The following TPM1 variants were observed in gnomAD, a reference collection of about 807,000 sequenced individuals.
TPM1 encodes the protein tropomyosin 1.
A neutral mutation model predicts 42.9 loss-of-function variants in TPM1; 24 were observed. The ratio of observed to expected loss-of-function variants is 0.56; its 90% CI spans 0.41 to 0.79. The LOEUF (loss-of-function observed/expected upper bound fraction) is 0.79. Among genes scored for constraint, TPM1 ranks in the 30% least tolerant of loss-of-function variants. TPM1 has a pLI of 0.00. For synonymous variants in TPM1, 136 were observed against 130.1 expected (o/e 1.05, Z -0.31); for missense variants, 158 against 351.8 (o/e 0.45, Z 4.41).
chr15:63,061,969 G>T lies in TPM1; in HGVS notation c.639+181G>T, dbSNP rs149210998. On this transcript the variant is annotated intron_variant, in intron 6 of 9. Coordinates refer to ENST00000403994, the MANE Select transcript of TPM1 (RefSeq NM_001018005.2). The stretch of plus-strand genomic sequence containing the variant: ...AACTAGAGAATTTATTTTATGTTAG[G>T]GATATGAGGCATCAATTTAATTTAA... 2.2e-4 allele frequency: 150 copies of T among 678,648 alleles called. No individual in the cohort carries two copies. In the African/African-American group the frequency reaches 2.5e-3, roughly 11 times the overall value. 42.0% of individuals were successfully genotyped at this position (678,648 alleles called of 1,614,324 possible).
downstream of TPM1, among the ~76,000 whole-genome samples, chr15:63,067,221 T>C (rs2141020216): frequency 6.6e-6 from 1 of 152,366 alleles, no homozygotes; most frequent in South Asian, 2.1e-4. Context: ...AGTGTCATTC[T>C]CACTCTACAG....
At chr15:63,043,377 G>C in intron 1 of TPM1, 1 of 584,874 alleles carries the variant, frequency 1.7e-6, no homozygotes, top group Non-Finnish European at 3.2e-6. Flanking sequence ...AGGGAGTCCT[G>C]GAGTTGTTAC....
At chr15:63,071,013 T>G, downstream of TPM1, 2 of 1,605,484 alleles carry the variant, frequency 1.2e-6, no homozygotes, top group South Asian at 2.2e-5. Flanking sequence ...GATTGATGTT[T>G]GCCTGCCTAA....
At chr15:63,063,974 G>A (rs1000090871) in intron 8 of TPM1, 90 bp from the exon 9 acceptor site, 1 of 1,551,038 alleles carries the variant, frequency 6.4e-7, no homozygotes, top group East Asian at 2.3e-5. Flanking sequence ...CTGCTGTGTT[G>A]GGATGGTGCG....
intron 2 of TPM1, chr15:63,048,855 G>A (rs2033177831): frequency 1.8e-6 from 2 of 1,101,782 alleles, no homozygotes; most frequent in Non-Finnish European, 2.6e-6. Context: ...GCCAGCTGGC[G>A]GCGGGCTCTG....
chr15:63,071,226 A>G, exon 9 of TPM1: 2 of 671,494 alleles, frequency 3.0e-6, no homozygotes, highest in Non-Finnish European at 4.6e-6. Flanking sequence ...TTGTTTTTAA[A>G]CACCTGCTTA....
exon 9 of TPM1, chr15:63,071,202 C>CATTTTTT (rs201620283): frequency 1.2e-5 from 19 of 1,596,596 alleles, no homozygotes; most frequent in Non-Finnish European, 1.6e-5. Context: ...CACATTCTTT[C>CATTTTTT]GTTTTGTTTT....
intron 1 of TPM1, 82 bp downstream of exon 1, chr15:63,043,025 G>T (rs1342282935): frequency 6.9e-6 from 9 of 1,295,426 alleles, no homozygotes; most frequent in African/African-American, 1.5e-5. Flanking sequence ...CCCACCCCGA[G>T]GACTCGGGGA....
At chr15:63,064,285 T>C (rs1044028052) in intron 9 of TPM1, 143 bp downstream of exon 9, 17 of 1,529,340 alleles carry the variant, frequency 1.1e-5, no homozygotes, top group Non-Finnish European at 1.5e-5. Context: ...ATAGTCATTG[T>C]TTTTTCACTT....
chr15:63,059,566 C>T lies in TPM1; in HGVS notation c.378C>T (p.Gly126=). The part of the protein sequence containing the change: ...AEKAADESER[G]MKVIESRAQK... ...TCTTGCTTGTCTTTCTTTTCAGAGG[C>T]ATGAAAGTCATTGAGAGTCGAGCCC... The change falls in exon 4 of 10, where the codon GGC becomes GGT. Residue 126 remains glycine, a synonymous_variant. Transcript: ENST00000403994. The T allele has an allele frequency of 6.2e-7, 1 of 1,608,036 alleles. No individual in the cohort carries two copies. Among genetic ancestry groups the T allele is most frequent in the Non-Finnish European group, 8.5e-7 (1 of 1,176,082 alleles).
At chr15:63,058,795 T>C (rs1248735346) in intron 3 of TPM1, among the ~76,000 whole-genome samples, 15 of 152,226 alleles carry the variant, frequency 9.9e-5, no homozygotes, top group Admixed American at 9.8e-4. Flanking sequence ...GACTTGTTAT[T>C]CCATATATCT....
chr15:63,071,408 T>C (rs563609288), exon 9 of TPM1: 117 of 473,448 alleles, frequency 2.5e-4, no homozygotes, highest in South Asian at 2.3e-3. Flanking sequence ...GTAGAGAGTT[T>C]AGCAACACAG....
chr15:63,063,161 G>T, intron 8 of TPM1: 1 of 983,702 alleles, frequency 1.0e-6, no homozygotes, highest in African/African-American at 1.7e-5. Flanking sequence ...CTTCCCTAAG[G>T]CACTTAGGTT....
intron 2 of TPM1, among the ~76,000 whole-genome samples, chr15:63,053,781 A>G (rs138261231): frequency 0.012 from 1,826 of 149,150 alleles, 46 homozygotes; most frequent in African/African-American, 0.041. Context: ...TCCCGGGTTC[A>G]AGCAATTCTC....
At chr15:63,044,659 G>C (rs2140638982) in intron 2 of TPM1, 1 of 221,848 alleles carries the variant, frequency 4.5e-6, no homozygotes, top group South Asian at 8.1e-5. Context: ...CTTCATGGTG[G>C]GGCACAGAGA....
chr15:63,069,933 A>G (rs1450399200), downstream of TPM1: 2 of 1,614,088 alleles, frequency 1.2e-6, no homozygotes, highest in East Asian at 2.2e-5. Flanking sequence ...CTGGCCCTGA[A>G]TGAGGATTAA....
At chr15:63,063,995 T>C (rs1369129586) in intron 8 of TPM1, 69 bp from the exon 9 acceptor site, 1 of 1,597,842 alleles carries the variant, frequency 6.3e-7, no homozygotes, top group Non-Finnish European at 8.5e-7. Context: ...CGCACCACCC[T>C]CACTCACCCT....
intron 8 of TPM1, 183 bp from the exon 9 acceptor site, chr15:63,063,881 C>T: frequency 2.4e-5 from 17 of 698,110 alleles, no homozygotes; most frequent in Admixed American, 3.2e-5. Flanking sequence ...GTTTTTGTTT[C>T]AATTTACTTA....
intron 2 of TPM1, chr15:63,045,857 C>T (rs1184672485): frequency 6.6e-6 from 1 of 152,118 alleles, no homozygotes; most frequent in African/African-American, 2.4e-5. Flanking sequence ...TTATTTTTCC[C>T]ACCGGGAAAC....
Sources: allele counts gnomAD v4.1 joint callset (sites outside exome capture counted in the v4.1 genomes callset), GRCh38; gene constraint gnomAD v4.1.1; transcripts MANE v1.5; gene names NCBI Gene and HGNC (gene_info 2026-07-23, HGNC 2026-07-21).